Variants in RHEX observed in about 807,000 individuals in gnomAD.
RHEX encodes regulator of hemoglobinization and erythroid cell expansion, also known as regulator of hemoglobinization and erythroid cell expansion protein.
RHEX carries 18 observed loss-of-function variants against 20.1 expected under a neutral mutation model. That is an observed-to-expected ratio of 0.90 (90% CI 0.62 to 1.33). RHEX has a LOEUF of 1.33. RHEX is among the 40% of genes most tolerant of loss of function. RHEX has a pLI of 0.00. For synonymous variants in RHEX, 87 were observed against 77.1 expected (o/e 1.13, Z -0.67); for missense variants, 192 against 214.3 (o/e 0.90, Z 0.65).
chr1:206,096,343 A>G (rs1663068025), intron 1 of RHEX, among the ~76,000 whole-genome samples: 1 of 152,258 alleles, frequency 6.6e-6, no homozygotes, highest in Admixed American at 6.5e-5. Context: ...GACAAATGAG[A>G]TATTCAATAT....
At chr1:206,087,927 A>G (rs1234926052) in intron 1 of RHEX, among the ~76,000 whole-genome samples, 3 of 152,204 alleles carry the variant, frequency 2.0e-5, no homozygotes, top group Non-Finnish European at 2.9e-5. Context: ...ACTTATTTCG[A>G]AACATGTTGT....
intron 1 of RHEX, chr1:206,080,226 G>GT (rs1205219014): frequency 2.0e-5 from 3 of 152,164 alleles, no homozygotes; most frequent in African/African-American, 7.2e-5. Context: ...AGAGAGTAGG[G>GT]TTTTTTCTCC....
intron 4 of RHEX, 128 bp downstream of exon 4, chr1:206,099,926 G>A: frequency 2.5e-6 from 2 of 799,400 alleles, no homozygotes; most frequent in Non-Finnish European, 4.1e-6. Context: ...AGCCACATCA[G>A]GACAGCCTTG....
intron 1 of RHEX, chr1:206,061,454 C>T (rs554109956): frequency 6.6e-6 from 1 of 152,374 alleles, no homozygotes; most frequent in South Asian, 2.1e-4. Flanking sequence ...CTGGCTGCTT[C>T]CTTACCTAGA....
rs1558181316 is a variant in RHEX, at chr1:206,101,199, TA to T, written c.318+4del. 1.2e-6 allele frequency: 2 copies of T among 1,609,624 alleles called. No homozygotes were observed. The highest frequency in any genetic ancestry group is 1.7e-6 in the Non-Finnish European group (2 of 1,177,388). ...TGCAGTTCGCCTCCTGCCTGCCAGGTAATGGATGTGCCTAGTGATCTCAGAC... is the reference window on the plus strand; with the variant it reads ...TGCAGTTCGCCTCCTGCCTGCCAGGTATGGATGTGCCTAGTGATCTCAGAC... On this transcript the variant is annotated splice_donor_region_variant and intron_variant, in intron 5 of 5. Transcript: ENST00000331555.
chr1:206,082,936 C>T lies in RHEX; in HGVS notation c.-96-14797C>T, dbSNP rs571589839. Among the ~76,000 whole-genome samples the T allele has an allele frequency of 2.6e-5, 4 of 152,292 alleles. No individual in the cohort carries two copies. The East Asian group carries it at 7.7e-4, about 29-fold the overall frequency. ...TTTCTATTTTGGGATTTTAGGCCCTCCAAAGAGCCTGAAATCAGCCTTCCT... is the reference window on the plus strand; with the variant it reads ...TTTCTATTTTGGGATTTTAGGCCCTTCAAAGAGCCTGAAATCAGCCTTCCT... On this transcript the variant is annotated intron_variant, in intron 1 of 5. Transcript: ENST00000331555.
chr1:206,063,698 G>A (rs1202881930), intron 1 of RHEX, among the ~76,000 whole-genome samples: 3 of 152,256 alleles, frequency 2.0e-5, no homozygotes, highest in Non-Finnish European at 4.4e-5. Context: ...TCAGTGCTCA[G>A]TGGCGCCCAG....
chr1:206,096,862 C>T (rs1296721655), intron 1 of RHEX, among the ~76,000 whole-genome samples: 4 of 150,712 alleles, frequency 2.7e-5, no homozygotes, highest in Non-Finnish European at 4.4e-5. Context: ...GAAGTCTCGA[C>T]CTCCTGGGAT....
chr1:206,070,873 AT>A (rs1662512107), intron 1 of RHEX, among the ~76,000 whole-genome samples: 1 of 152,278 alleles, frequency 6.6e-6, no homozygotes, highest in African/African-American at 2.4e-5. Context: ...AAGGTAACTA[AT>A]TTCTATAAGT....
intron 1 of RHEX, among the ~76,000 whole-genome samples, chr1:206,087,679 A>G (rs373376312): frequency 7.9e-5 from 12 of 152,362 alleles, no homozygotes; most frequent in African/African-American, 2.2e-4. Context: ...TCAATGTTCT[A>G]TTAACATGGT....
At chr1:206,094,812 T>A (rs1164058452) in intron 1 of RHEX, among the ~76,000 whole-genome samples, 1 of 152,170 alleles carries the variant, frequency 6.6e-6, no homozygotes, top group Non-Finnish European at 1.5e-5. Flanking sequence ...TATCCCAAAG[T>A]GTACGCTCTG....
At position 206,101,986 on chromosome 1, in the gene RHEX, A is replaced by G. The variant is rs782778804; in HGVS notation, c.*34A>G. 4 of 1,493,280 alleles carry G rather than the reference A, an allele frequency of 2.7e-6. No individual in the cohort carries two copies. In the South Asian group the frequency reaches 4.5e-5, roughly 17 times the overall value. 92.5% of individuals were successfully genotyped at this position (1,493,280 alleles called of 1,614,324 possible). The stretch of plus-strand genomic sequence containing the variant: ...TATTTTTAATGGGGTCCAGTTCTCT[A>G]TGGATTCTTACATTTAATTTGTAGG... On this transcript the variant is annotated 3_prime_UTR_variant, in exon 6 of 6. Transcript: ENST00000331555.
At chr1:206,069,972 C>T (rs897663349) in intron 1 of RHEX, among the ~76,000 whole-genome samples, 2 of 151,558 alleles carry the variant, frequency 1.3e-5, no homozygotes, top group Non-Finnish European at 2.9e-5. Flanking sequence ...AAGATAACCA[C>T]ATATATGTAT....
At chr1:206,058,886 G>A (rs913492657) in intron 1 of RHEX, among the ~76,000 whole-genome samples, 4 of 152,172 alleles carry the variant, frequency 2.6e-5, no homozygotes, top group African/African-American at 7.2e-5. Context: ...TGTCTGGGAG[G>A]TTTTGTCTGC....
chr1:206,094,183 T>TGC (rs1663018387), intron 1 of RHEX, among the ~76,000 whole-genome samples: 1 of 151,936 alleles, frequency 6.6e-6, no homozygotes, highest in Non-Finnish European at 1.5e-5. Context: ...TGTGTGTGTG[T>TGC]GTGTGTGTGT....
At chr1:206,082,291 G>A (rs1662753710) in intron 1 of RHEX, among the ~76,000 whole-genome samples, 1 of 152,124 alleles carries the variant, frequency 6.6e-6, no homozygotes, top group Non-Finnish European at 1.5e-5. Context: ...GCTGAGGCGG[G>A]TGAAGCACGA....
intron 4 of RHEX, 120 bp downstream of exon 4, chr1:206,099,918 C>T: frequency 1.1e-6 from 1 of 880,916 alleles, no homozygotes; most frequent in Non-Finnish European, 1.8e-6. Context: ...TTCCTCACAG[C>T]CACATCAGGA....
intron 1 of RHEX, 61 bp from the exon 2 acceptor site, chr1:206,097,672 T>G: frequency 9.5e-7 from 1 of 1,055,770 alleles, no homozygotes; most frequent in Non-Finnish European, 1.4e-6. Context: ...TAGCTGAGTT[T>G]GCCCAAGGGA....
At chr1:206,101,281 C>A (rs1663181578) in intron 5 of RHEX, 84 bp downstream of exon 5, 1 of 1,104,562 alleles carries the variant, frequency 9.1e-7, no homozygotes, top group Non-Finnish European at 1.3e-6. Flanking sequence ...CAAGTTACCC[C>A]AGCTATGTAG....
Sources: gnomAD v4.1 joint callset for allele counts (sites outside exome capture counted in the v4.1 genomes callset) on GRCh38, gnomAD v4.1.1 for gene constraint, MANE v1.5 for transcripts, NCBI Gene and HGNC (gene_info 2026-07-23, HGNC 2026-07-21) for gene names.